VPS26A: variants seen among roughly 807,000 people sequenced by gnomAD.
The protein encoded by VPS26A is vacuolar protein sorting-associated protein 26A.
A neutral mutation model predicts 42.4 loss-of-function variants in VPS26A; 22 were observed. The ratio of observed to expected loss-of-function variants is 0.52; its 90% CI spans 0.37 to 0.74. The LOEUF (loss-of-function observed/expected upper bound fraction) is 0.74, where lower values mean the gene tolerates loss of function less well. VPS26A is among the 30% of genes least tolerant of loss of function. The pLI is 0.00. For missense variants in VPS26A, 276 were observed against 379.2 expected, an observed-to-expected ratio of 0.73 and a Z score of 2.26; for synonymous variants, 110 against 123.5, an observed-to-expected ratio of 0.89 and a Z score of 0.73.
chr10:69,133,166 C>A, intron 2 of VPS26A, 119 bp downstream of exon 2: 1 of 1,056,618 alleles, frequency 9.5e-7, no homozygotes, highest in South Asian at 1.7e-5. Context: ...TTTTTTTTCC[C>A]TAAAGTTCAG....
intron 2 of VPS26A, among the ~76,000 whole-genome samples, chr10:69,146,748 C>A (rs1327669015): frequency 1.3e-5 from 2 of 152,022 alleles, no homozygotes; most frequent in African/African-American, 4.8e-5. Flanking sequence ...GAACATCATT[C>A]TTCTTTTGTT....
intron 2 of VPS26A, among the ~76,000 whole-genome samples, chr10:69,155,193 T>TATAA (rs1237059272): frequency 2.0e-5 from 3 of 152,184 alleles, no homozygotes; most frequent in Non-Finnish European, 4.4e-5. Flanking sequence ...TTTAAATCTT[T>TATAA]AGGCATTCTG....
At chr10:69,149,744 T>TG (rs1564680053) in intron 2 of VPS26A, among the ~76,000 whole-genome samples, 11 of 51,446 alleles carry the variant, frequency 2.1e-4, no homozygotes, top group African/African-American at 3.5e-4. Flanking sequence ...GTTTTTTTTT[T>TG]TTTTTTTTTT....
intron 8 of VPS26A, among the ~76,000 whole-genome samples, chr10:69,169,650 C>T (rs1841773610): frequency 6.6e-6 from 1 of 151,358 alleles, no homozygotes; most frequent in Non-Finnish European, 1.5e-5. Context: ...GCTCTGTTGC[C>T]CAGGCTGGAG....
At chr10:69,138,950 ATTTG>A (rs1840981578) in intron 2 of VPS26A, among the ~76,000 whole-genome samples, 1 of 152,192 alleles carries the variant, frequency 6.6e-6, no homozygotes, top group Non-Finnish European at 1.5e-5. Context: ...AGCATTTGCT[ATTTG>A]TTTTACTCAC....
At chr10:69,162,357 T>C (rs1841582817) in intron 5 of VPS26A, 49 bp from the exon 6 acceptor site, 2 of 973,708 alleles carry the variant, frequency 2.1e-6, no homozygotes, top group Non-Finnish European at 3.1e-6. Flanking sequence ...TTCACTGTTT[T>C]TGCTTGTTTT....
Position 69,168,735 on chromosome 10 carries a change from A to G in VPS26A, c.870+104A>G, listed in dbSNP as rs535692731. ...GTACTGAGCGAGTGGGAGTTTCTAAATAAATAAAAACACTGTGGGTATGAT... is the reference window on the plus strand; with the variant it reads ...GTACTGAGCGAGTGGGAGTTTCTAAGTAAATAAAAACACTGTGGGTATGAT... On this transcript the variant is annotated intron_variant, in intron 8 of 8. Transcript: ENST00000263559. 209 of 1,393,572 alleles carry G rather than the reference A, an allele frequency of 1.5e-4. 1 individual carries two copies. The African/African-American group carries it at 2.7e-3, about 18-fold the overall frequency. The allele number at this position is 1,393,572 out of a possible 1,614,324, so 86.3% of individuals were successfully genotyped here. A position where few individuals can be genotyped will look rare whatever the true frequency, so the allele number is the denominator to read the frequency against.
At chr10:69,162,597 G>T (rs562966535) in intron 6 of VPS26A, 85 bp downstream of exon 6, 110 of 841,380 alleles carry the variant, frequency 1.3e-4, no homozygotes, top group Middle Eastern at 3.0e-4. Flanking sequence ...AACATAATTT[G>T]ATATCCACAT....
At chr10:69,139,567 G>T (rs1362830920) in intron 2 of VPS26A, among the ~76,000 whole-genome samples, 1 of 152,188 alleles carries the variant, frequency 6.6e-6, no homozygotes, top group Non-Finnish European at 1.5e-5. Context: ...CTCCCAAAGT[G>T]CTGGGATTAC....
intron 1 of VPS26A, among the ~76,000 whole-genome samples, chr10:69,127,727 C>CTTTTTTTT (rs572346560): frequency 1.2e-5 from 1 of 85,068 alleles, no homozygotes; most frequent in Non-Finnish European, 2.2e-5. Context: ...TTAAAAATAT[C>CTTTTTTTT]TTTTTTTTTT....
intron 5 of VPS26A, among the ~76,000 whole-genome samples, chr10:69,159,725 T>C (rs189048526): frequency 6.6e-6 from 1 of 152,316 alleles, no homozygotes; most frequent in Non-Finnish European, 1.5e-5. Context: ...CTAAAAATAT[T>C]AGTAATTCCT....
At chr10:69,163,270 A>C (rs377427692) in intron 6 of VPS26A, among the ~76,000 whole-genome samples, 1 of 152,192 alleles carries the variant, frequency 6.6e-6, no homozygotes, top group Non-Finnish European at 1.5e-5. Context: ...GTTAAACAGC[A>C]TATTTGTTTA....
At chr10:69,152,869 C>G (rs1841345673) in intron 2 of VPS26A, among the ~76,000 whole-genome samples, 1 of 151,536 alleles carries the variant, frequency 6.6e-6, no homozygotes, top group Admixed American at 6.6e-5. Flanking sequence ...ACCCAGGAGG[C>G]TGAGGCAGGA....
chr10:69,164,231 T>G (rs1268566921), intron 6 of VPS26A, among the ~76,000 whole-genome samples: 2 of 151,884 alleles, frequency 1.3e-5, no homozygotes, highest in African/African-American at 4.8e-5. Context: ...ACCTTTTTTT[T>G]TTTTGAGACA....
chr10:69,137,862 G>GAGAT (rs953428722), intron 2 of VPS26A, among the ~76,000 whole-genome samples: 2 of 144,810 alleles, frequency 1.4e-5, no homozygotes, highest in African/African-American at 2.7e-5. Context: ...GCTGTATTGA[G>GAGAT]ATATATATAT....
At chr10:69,166,465 G>A (rs1564688108) in intron 7 of VPS26A, among the ~76,000 whole-genome samples, 1 of 152,144 alleles carries the variant, frequency 6.6e-6, no homozygotes. Flanking sequence ...ATTAATTCCT[G>A]TAGGTTTTTG....
At chr10:69,148,067 AT>A (rs200733782) in intron 2 of VPS26A, among the ~76,000 whole-genome samples, 3 of 150,448 alleles carry the variant, frequency 2.0e-5, no homozygotes, top group African/African-American at 4.9e-5. Flanking sequence ...ATTGCTGAGA[AT>A]TTTTTTTTTA....
chr10:69,163,978 A>G (rs1433475091), intron 6 of VPS26A, among the ~76,000 whole-genome samples: 2 of 151,630 alleles, frequency 1.3e-5, no homozygotes, highest in African/African-American at 2.4e-5. Flanking sequence ...CGTGTTAGCC[A>G]GGATGGTCTC....
At chr10:69,161,882 C>T (rs1404120426) in intron 5 of VPS26A, 5 of 228,866 alleles carry the variant, frequency 2.2e-5, no homozygotes, top group South Asian at 7.3e-5. Flanking sequence ...CTTATACCTC[C>T]AGCAGCAATG....
Sources: allele counts gnomAD v4.1 joint callset (sites outside exome capture counted in the v4.1 genomes callset), GRCh38; gene constraint gnomAD v4.1.1; transcripts MANE v1.5; gene names NCBI Gene and HGNC (gene_info 2026-07-23, HGNC 2026-07-21).